The following GFI1B variants were observed in gnomAD, a reference collection of about 807,000 sequenced individuals.
GFI1B encodes the protein zinc finger protein Gfi-1b.
Under a neutral mutation model 35.3 loss-of-function variants are expected in GFI1B, and 20 were observed. That is an observed-to-expected ratio of 0.57 (90% CI 0.40 to 0.82). GFI1B has a LOEUF of 0.82. Among genes scored for constraint, GFI1B ranks in the 40% least tolerant of loss-of-function variants. The pLI, the probability that GFI1B is intolerant of heterozygous loss-of-function variation, is 0.00. For missense variants in GFI1B, 430 were observed against 446.3 expected, an observed-to-expected ratio of 0.96 and a Z score of 0.33; for synonymous variants, 178 against 177.6, an observed-to-expected ratio of 1.00 and a Z score of -0.02.
intron 1 of GFI1B, chr9:132,962,718 CATCACCAT>C (rs949445350): frequency 1.4e-5 from 6 of 417,856 alleles, no homozygotes; most frequent in Non-Finnish European, 2.3e-5. Context: ...AGGTCACCAT[CATCACCAT>C]ATCAAGCTGA....
intron 1 of GFI1B, among the ~76,000 whole-genome samples, chr9:132,959,436 A>C (rs951964289): frequency 2.6e-5 from 4 of 152,328 alleles, no homozygotes; most frequent in African/African-American, 9.6e-5. Flanking sequence ...TAAATTACCC[A>C]GTGCCAGGAT....
At position 132,989,718 on chromosome 9, in the gene GFI1B, C is replaced by G; in HGVS notation, c.649-24C>G. ...CAGTCCTGAGCCTGCACCTGACCCCCCGGGGCCTCATTTCCTCCGGCAGGA... is the reference window on the plus strand; with the variant it reads ...CAGTCCTGAGCCTGCACCTGACCCCGCGGGGCCTCATTTCCTCCGGCAGGA... On this transcript the variant is annotated intron_variant, in intron 5 of 6. Coordinates refer to ENST00000372122, the MANE Select transcript of GFI1B (RefSeq NM_001377304.1). The surrounding 1 kb of genome is among the most constrained non-coding windows in gnomAD (Gnocchi z 6.2). 1.2e-6 allele frequency: 2 copies of G among 1,609,762 alleles called. No individual in the cohort carries two copies. The highest frequency in any genetic ancestry group is 1.7e-6 in the Non-Finnish European group (2 of 1,176,816).
Position 132,956,272 on chromosome 9 carries a change from A to G in GFI1B, c.-701+10603A>G, listed in dbSNP as rs78218908. Among the ~76,000 whole-genome samples, 1,357 of 152,082 alleles carry G rather than the reference A, an allele frequency of 8.9e-3. 12 individuals are homozygous for G. The highest frequency in any genetic ancestry group is 0.015 in the Non-Finnish European group (1,012 of 67,988). On this transcript the variant is annotated intron_variant, in intron 1 of 10. Transcript: ENST00000339463. Reference sequence around the variant, plus strand: ...CTTCTTCCAAAGAAAAGCTACTATCATACCCTTTTCCTCCACCTCCTTTTG... The same window carrying G: ...CTTCTTCCAAAGAAAAGCTACTATCGTACCCTTTTCCTCCACCTCCTTTTG...
At chr9:132,974,121 T>C (rs1358995539), upstream of GFI1B, among the ~76,000 whole-genome samples, 2 of 151,594 alleles carry the variant, frequency 1.3e-5, no homozygotes, top group South Asian at 2.1e-4. Flanking sequence ...GCCGAGATGA[T>C]GGAGAGAGAG....
chr9:132,987,830 G>T (rs1466512349), intron 3 of GFI1B, among the ~76,000 whole-genome samples: 4 of 152,000 alleles, frequency 2.6e-5, no homozygotes, highest in Non-Finnish European at 5.9e-5. Flanking sequence ...GGAAGGGGGT[G>T]CCCTGTGTTT....
chr9:132,986,798 G>A lies in GFI1B; in HGVS notation c.100+20G>A, dbSNP rs775594146. ...CCCCGGGTGAGTCAGAGCCCGGGCT[G>A]GCGCCTGCTGCACCCACGGGGGGCT... On this transcript the variant is annotated intron_variant, in intron 2 of 6. Transcript: ENST00000372122. 1.4e-5 allele frequency: 21 copies of A among 1,500,866 alleles called. No homozygotes were observed. In the African/African-American group the frequency reaches 1.7e-4, roughly 12 times the overall value. The allele number at this position is 1,500,866 out of a possible 1,614,324, so 93.0% of individuals were successfully genotyped here. A position where few individuals can be genotyped will look rare whatever the true frequency, so the allele number is the denominator to read the frequency against.
intron 1 of GFI1B, among the ~76,000 whole-genome samples, chr9:132,964,442 A>G (rs948669329): frequency 1.4e-4 from 21 of 152,180 alleles, no homozygotes; most frequent in Non-Finnish European, 2.6e-4. Flanking sequence ...GAGAATATCA[A>G]TAGGAACTTG....
At chr9:132,968,909 T>G (rs1180546232) in intron 1 of GFI1B, among the ~76,000 whole-genome samples, 2 of 152,166 alleles carry the variant, frequency 1.3e-5, no homozygotes, top group Non-Finnish European at 2.9e-5. Flanking sequence ...ACCACAACCA[T>G]CCATCTCCAG....
At chr9:132,959,883 G>T (rs1355759520) in intron 1 of GFI1B, among the ~76,000 whole-genome samples, 1 of 152,178 alleles carries the variant, frequency 6.6e-6, no homozygotes, top group Admixed American at 6.5e-5. Context: ...CCCAGGCATT[G>T]TATTTAAAGC....
At chr9:132,954,246 C>T (rs1028678924) in intron 1 of GFI1B, among the ~76,000 whole-genome samples, 1 of 151,886 alleles carries the variant, frequency 6.6e-6, no homozygotes, top group East Asian at 2.0e-4. Flanking sequence ...ACGTGCACCA[C>T]CACACCCAGA....
chr9:132,971,432 G>T (rs1848530749), intron 1 of GFI1B, among the ~76,000 whole-genome samples: 1 of 152,128 alleles, frequency 6.6e-6, no homozygotes, highest in Admixed American at 6.5e-5. Flanking sequence ...CCTGAATACT[G>T]CCCTTCCCCA....
chr9:132,969,606 A>C (rs1848502947), intron 1 of GFI1B, among the ~76,000 whole-genome samples: 1 of 152,186 alleles, frequency 6.6e-6, no homozygotes. Flanking sequence ...GGGTGTGCAA[A>C]GATCTTTCCG....
At chr9:132,959,095 G>A (rs1051560043) in intron 1 of GFI1B, among the ~76,000 whole-genome samples, 1 of 152,132 alleles carries the variant, frequency 6.6e-6, no homozygotes, top group African/African-American at 2.4e-5. Flanking sequence ...AGCTCAGAAG[G>A]TTCCCAGGAC....
intron 1 of GFI1B, among the ~76,000 whole-genome samples, chr9:132,963,264 GA>G (rs1400873075): frequency 6.6e-6 from 1 of 151,764 alleles, no homozygotes; most frequent in Non-Finnish European, 1.5e-5. Context: ...GGCAGATCAC[GA>G]GGTCAAGAGT....
In GFI1B at chr9:132,986,708, G is replaced by T; in HGVS notation, c.30G>T (p.Lys10Asn). Reference sequence around the variant, plus strand: ...CACGCTCCTTCCTGGTGAAGAGCAAGAAGGCTCACACCTACCACCAGCCCC... The same window carrying T: ...CACGCTCCTTCCTGGTGAAGAGCAATAAGGCTCACACCTACCACCAGCCCC... The part of the protein sequence containing the change: MPRSFLVKS[K>N]KAHTYHQPRV... Residue 10 changes from lysine (K) to asparagine (N), a missense_variant, in exon 2 of 7, where the codon AAG becomes AAT. By Grantham distance (94) the Lys-to-Asn change is moderately conservative. Transcript: ENST00000372122. 6.2e-7 allele frequency: 1 copy of T among 1,612,514 alleles called. No individual in the cohort carries two copies. The highest frequency in any genetic ancestry group is 8.5e-7 in the Non-Finnish European group (1 of 1,179,224).
At chr9:132,972,455 T>C (rs1439428765) in intron 1 of GFI1B, among the ~76,000 whole-genome samples, 2 of 151,448 alleles carry the variant, frequency 1.3e-5, no homozygotes, top group African/African-American at 4.9e-5. Flanking sequence ...CTGGGTGTGG[T>C]GGTGTGTGCT....
Position 132,991,012 on chromosome 9 carries a change from C to T in GFI1B, c.955C>T (p.Leu319=), listed in dbSNP as rs767791677. The T allele has an allele frequency of 6.2e-7, 1 of 1,614,114 alleles. No individual in the cohort carries two copies. Among genetic ancestry groups the T allele is most frequent in the South Asian group, 1.1e-5 (1 of 91,090 alleles). Residue 319 remains leucine, a synonymous_variant, in exon 7 of 7, where the codon CTG becomes TTG. Coordinates refer to ENST00000372122, the MANE Select transcript of GFI1B (RefSeq NM_001377304.1). ...CTKGFQRKVD[L]RRHRESQHNL... ...CAAAGGCTTCCAGCGCAAGGTGGAC[C>T]TGCGGCGGCACCGCGAGAGCCAGCA...
At chr9:132,947,176 A>G (rs1234243441) in intron 1 of GFI1B, 1 of 152,240 alleles carries the variant, frequency 6.6e-6, no homozygotes, top group Admixed American at 6.5e-5. Flanking sequence ...GGGCGTGCTG[A>G]CAGGATGCAC....
chr9:132,983,252 G>C (rs538461267), intron 1 of GFI1B, among the ~76,000 whole-genome samples: 20 of 146,020 alleles, frequency 1.4e-4, no homozygotes, highest in South Asian at 1.1e-3. Context: ...GAAGTGCAGT[G>C]GTGGTGTGAT....
Sources: allele counts gnomAD v4.1 joint callset (sites outside exome capture counted in the v4.1 genomes callset), GRCh38; gene constraint gnomAD v4.1.1; non-coding constraint Gnocchi (gnomAD v3.1); transcripts MANE v1.5; gene names NCBI Gene and HGNC (gene_info 2026-07-23, HGNC 2026-07-21).